AGBL1: variants seen among roughly 807,000 people sequenced by gnomAD.
The protein encoded by AGBL1 is AGBL carboxypeptidase 1.
Under a neutral mutation model 118.9 loss-of-function variants are expected in AGBL1, and 130 were observed. The observed-to-expected ratio is 1.09, with a 90% CI of 0.95 to 1.26. The LOEUF is 1.26. AGBL1 is among the 50% of genes most tolerant of loss of function. AGBL1 has a pLI of 0.00. For synonymous variants in AGBL1, 555 were observed against 478.9 expected (o/e 1.16, Z -2.08); for missense variants, 1,584 against 1,298.1 (o/e 1.22, Z -3.38).
At chr15:86,446,416 G>C (rs1235720428) in intron 18 of AGBL1, among the ~76,000 whole-genome samples, 1 of 152,192 alleles carries the variant, frequency 6.6e-6, no homozygotes, top group Non-Finnish European at 1.5e-5. Context: ...GGCATAGCAA[G>C]CTGTATTAGA....
intron 21 of AGBL1, among the ~76,000 whole-genome samples, chr15:86,670,600 G>GGCACACACAC (rs1555436003): frequency 1.4e-4 from 18 of 133,226 alleles, no homozygotes; most frequent in African/African-American, 4.9e-4. Context: ...GTGAAACTCT[G>GGCACACACAC]ACACACACAC....
chr15:86,294,602 A>G (rs1330044752), intron 16 of AGBL1, among the ~76,000 whole-genome samples: 1 of 151,876 alleles, frequency 6.6e-6, no homozygotes, highest in Non-Finnish European at 1.5e-5. Context: ...ATTTCTCCCT[A>G]TTACTTTGCC....
intron 22 of AGBL1, among the ~76,000 whole-genome samples, chr15:86,711,459 T>C (rs755096314): frequency 2.0e-5 from 3 of 152,198 alleles, no homozygotes; most frequent in Non-Finnish European, 4.4e-5. Flanking sequence ...GCTTTTCTTG[T>C]TTATAGCATT....
intron 17 of AGBL1, among the ~76,000 whole-genome samples, chr15:86,388,484 G>C (rs2081229825): frequency 6.6e-6 from 1 of 152,060 alleles, no homozygotes; most frequent in African/African-American, 2.4e-5. Flanking sequence ...ATTTAGTGCA[G>C]CAAAGACTTA....
chr15:86,823,527 C>A (rs1016744316), intron 22 of AGBL1, among the ~76,000 whole-genome samples: 1 of 152,108 alleles, frequency 6.6e-6, no homozygotes, highest in Non-Finnish European at 1.5e-5. Context: ...GGTCTTAGCA[C>A]AGACCAATCA....
intron 1 of AGBL1, among the ~76,000 whole-genome samples, chr15:86,127,490 A>G (rs1415560359): frequency 6.6e-6 from 1 of 152,188 alleles, no homozygotes; most frequent in African/African-American, 2.4e-5. Flanking sequence ...GTATGGACAC[A>G]ATGGAAGGTG....
chr15:86,300,193 T>C (rs891504912), intron 17 of AGBL1, among the ~76,000 whole-genome samples: 1 of 152,158 alleles, frequency 6.6e-6, no homozygotes, highest in African/African-American at 2.4e-5. Flanking sequence ...AACACACTAC[T>C]TAGTGAAGGC....
intron 3 of AGBL1, 136 bp downstream of exon 3, chr15:86,143,981 G>A (rs566928010): frequency 1.8e-6 from 2 of 1,114,346 alleles, no homozygotes; most frequent in Middle Eastern, 3.0e-4. Flanking sequence ...TGATGGTGAT[G>A]GCAGGACCAG....
At chr15:86,113,232 C>CTTTTG (rs377661470) in intron 1 of AGBL1, among the ~76,000 whole-genome samples, 1 of 88,800 alleles carries the variant, frequency 1.1e-5, no homozygotes, top group African/African-American at 7.2e-5. Context: ...CTTTTCTTTT[C>CTTTTG]TTTTCTTTTC....
intron 22 of AGBL1, among the ~76,000 whole-genome samples, chr15:86,683,105 G>A (rs1389797920): frequency 6.6e-6 from 1 of 152,124 alleles, no homozygotes; most frequent in Non-Finnish European, 1.5e-5. Context: ...TACACATGCT[G>A]ATTACGAGTT....
chr15:86,402,593 T>C (rs941014978), intron 18 of AGBL1, among the ~76,000 whole-genome samples: 3 of 152,160 alleles, frequency 2.0e-5, no homozygotes, highest in African/African-American at 4.8e-5. Context: ...GCATAAAGAT[T>C]AGAGAACCAA....
At chr15:86,230,713 T>C (rs1487838416) in intron 6 of AGBL1, among the ~76,000 whole-genome samples, 1 of 152,254 alleles carries the variant, frequency 6.6e-6, no homozygotes, top group African/African-American at 2.4e-5. Context: ...TAAAAATTCG[T>C]TCTTATTATT....
rs561840646 is a variant in AGBL1 at position 86,966,975 on chromosome 15, T to C, written c.3222-21012T>C. Among the ~76,000 whole-genome samples the C allele has an allele frequency of 8.5e-5, 13 of 152,216 alleles. No homozygotes were observed. The East Asian group carries it at 2.5e-3, about 29-fold the overall frequency. On this transcript the variant is annotated intron_variant, in intron 23 of 24. Transcript: ENST00000441037. Reference sequence around the variant, plus strand: ...AAAGTGTTCCTATTTCTCCACATCCTCTCCAGTACCTGTTGTTTCCTGACT... The same window carrying C: ...AAAGTGTTCCTATTTCTCCACATCCCCTCCAGTACCTGTTGTTTCCTGACT...
chr15:86,569,010 G>GTT (rs112532814), intron 21 of AGBL1, among the ~76,000 whole-genome samples: 18 of 144,322 alleles, frequency 1.2e-4, no homozygotes, highest in African/African-American at 3.8e-4. Context: ...TACATAAACT[G>GTT]TTTTTTTTTT....
chr15:86,836,701 C>G (rs573970962), intron 22 of AGBL1, among the ~76,000 whole-genome samples: 4 of 152,232 alleles, frequency 2.6e-5, no homozygotes, highest in Non-Finnish European at 4.4e-5. Context: ...TACCCTCCCC[C>G]TCACCTTCAC....
chr15:86,488,688 C>G (rs116981621), intron 18 of AGBL1, among the ~76,000 whole-genome samples: 1 of 152,154 alleles, frequency 6.6e-6, no homozygotes, highest in Non-Finnish European at 1.5e-5. Context: ...TTCCTCCCTA[C>G]ATATATACAT....
intron 22 of AGBL1, among the ~76,000 whole-genome samples, chr15:86,833,710 G>C (rs1469143378): frequency 6.6e-6 from 1 of 152,122 alleles, no homozygotes; most frequent in Admixed American, 6.6e-5. Context: ...CAGCATCTCA[G>C]AACAACATCA....
At chr15:86,281,842 T>C (rs1390570896) in intron 16 of AGBL1, among the ~76,000 whole-genome samples, 1 of 152,228 alleles carries the variant, frequency 6.6e-6, no homozygotes, top group Non-Finnish European at 1.5e-5. Context: ...TGAGTCCATG[T>C]AGTCATCATT....
chr15:86,712,088 C>A (rs1041362205), intron 22 of AGBL1, among the ~76,000 whole-genome samples: 2 of 152,170 alleles, frequency 1.3e-5, no homozygotes, highest in Admixed American at 1.3e-4. Context: ...CCACCTCAAC[C>A]TTTCTGACTC....
Sources: allele counts gnomAD v4.1 joint callset (sites outside exome capture counted in the v4.1 genomes callset), GRCh38; gene constraint gnomAD v4.1.1; transcripts MANE v1.5; gene names NCBI Gene and HGNC (gene_info 2026-07-23, HGNC 2026-07-21).